Variants in UGT1A5 observed in about 807,000 individuals in gnomAD.
UGT1A5 encodes the protein UDP glucuronosyltransferase family 1 member A5, also known as UDP-glucuronosyltransferase 1A5.
Under a neutral mutation model 40.3 loss-of-function variants are expected in UGT1A5, and 29 were observed. The ratio of observed to expected loss-of-function variants is 0.72; its 90% CI spans 0.54 to 0.98. The LOEUF (loss-of-function observed/expected upper bound fraction) is 0.98, where lower values mean the gene tolerates loss of function less well. UGT1A5 is among the 50% of genes least tolerant of loss of function. UGT1A5 has a pLI of 0.00. For synonymous variants in UGT1A5, 257 were observed against 262.5 expected, an observed-to-expected ratio of 0.98 and a Z score of 0.20; for missense variants, 678 against 677.9, an observed-to-expected ratio of 1.00 and a Z score of 0.00.
At chr2:233,731,882 C>A (rs2078215677) in intron 1 of UGT1A5, among the ~76,000 whole-genome samples, 2 of 152,208 alleles carry the variant, frequency 1.3e-5, no homozygotes, top group Admixed American at 6.5e-5. Context: ...AATGGTTGAA[C>A]TAATTTACAC....
At chr2:233,715,820 G>C (rs1490526502) in intron 1 of UGT1A5, among the ~76,000 whole-genome samples, 1 of 152,098 alleles carries the variant, frequency 6.6e-6, no homozygotes, top group East Asian at 1.9e-4. Context: ...TTTAAAGTTA[G>C]AAAACATTTT....
intron 4 of UGT1A5, among the ~76,000 whole-genome samples, chr2:233,768,739 C>T (rs542073297): frequency 1.3e-5 from 2 of 151,854 alleles, no homozygotes; most frequent in African/African-American, 4.8e-5. Context: ...TCCACCACCA[C>T]GCCCGGTTAA....
At chr2:233,726,191 A>G (rs942571652) in intron 1 of UGT1A5, among the ~76,000 whole-genome samples, 1 of 152,194 alleles carries the variant, frequency 6.6e-6, no homozygotes, top group Non-Finnish European at 1.5e-5. Context: ...TCTTTGGCAT[A>G]TGGAAATCTT....
intron 1 of UGT1A5, chr2:233,755,272 T>C (rs1695839667): frequency 2.6e-6 from 2 of 758,302 alleles, no homozygotes. Context: ...TCCACTATGC[T>C]GGACTGCCAA....
intron 1 of UGT1A5, among the ~76,000 whole-genome samples, chr2:233,749,893 C>A (rs141027223): frequency 6.6e-5 from 10 of 151,938 alleles, no homozygotes; most frequent in Non-Finnish European, 1.2e-4. Context: ...GAGGCTCCCC[C>A]CTCCAGCCAC....
chr2:233,721,250 A>G (rs1349740606), intron 1 of UGT1A5, among the ~76,000 whole-genome samples: 1 of 152,166 alleles, frequency 6.6e-6, no homozygotes, highest in East Asian at 1.9e-4. Context: ...TAAAAAATAT[A>G]TATGTTCTTT....
chr2:233,721,761 G>T (rs1319151225), intron 1 of UGT1A5: 5 of 472,432 alleles, frequency 1.1e-5, no homozygotes, highest in Admixed American at 8.9e-5. Flanking sequence ...CATCTAAATT[G>T]TTATATTTAG....
chr2:233,736,062 G>T (rs1463600658), intron 1 of UGT1A5, among the ~76,000 whole-genome samples: 1 of 152,174 alleles, frequency 6.6e-6, no homozygotes, highest in East Asian at 1.9e-4. Flanking sequence ...GGCCTGCCTT[G>T]CTAGGTTTGG....
In UGT1A5 at chr2:233,731,114, G is replaced by T. The variant is rs184066438; in HGVS notation, c.867+17256G>T. ...TTCTGTGCCTTTTTTATAAATGTAG[G>T]TATTATTGCAAAAGACTCTAAGCTT... On this transcript the variant is annotated intron_variant, in intron 1 of 4. Transcript: ENST00000373414. Among the ~76,000 whole-genome samples, 112 of 151,994 alleles carry T rather than the reference G, an allele frequency of 7.4e-4. 1 individual carries two copies. Among genetic ancestry groups the T allele is most frequent in the African/African-American group, 2.6e-3 (107 of 41,462 alleles).
At chr2:233,760,300 T>G (rs1271688129) in intron 1 of UGT1A5, 1 of 1,613,254 alleles carries the variant, frequency 6.2e-7, no homozygotes, top group East Asian at 2.2e-5. Flanking sequence ...GGCTGTGGAG[T>G]CCCAGGGCGG....
intron 1 of UGT1A5, among the ~76,000 whole-genome samples, chr2:233,762,725 T>C (rs1290938105): frequency 6.6e-6 from 1 of 152,154 alleles, no homozygotes; most frequent in African/African-American, 2.4e-5. Context: ...CGGTTTTTTT[T>C]TTTTGGTCAC....
chr2:233,746,329 G>C (rs1693363946), intron 1 of UGT1A5, among the ~76,000 whole-genome samples: 1 of 151,754 alleles, frequency 6.6e-6, no homozygotes, highest in Admixed American at 6.5e-5. Context: ...GATCTACAGG[G>C]CAATGGACAT....
chr2:233,737,540 C>T (rs191771735), intron 1 of UGT1A5, among the ~76,000 whole-genome samples: 164 of 152,332 alleles, frequency 1.1e-3, no homozygotes, highest in East Asian at 4.4e-3. Flanking sequence ...TGCCCTGCTT[C>T]GGCTTGCCCT....
intron 1 of UGT1A5, chr2:233,747,857 C>A (rs1438723140): frequency 6.2e-7 from 1 of 1,613,396 alleles, no homozygotes; most frequent in Non-Finnish European, 8.5e-7. Context: ...AGAACATGCT[C>A]TACCCTCTGG....
At chr2:233,767,198 A>G in intron 2 of UGT1A5, 33 bp downstream of exon 2, 1 of 1,613,498 alleles carries the variant, frequency 6.2e-7, no homozygotes, top group Non-Finnish European at 8.5e-7. Flanking sequence ...CCTCATATCT[A>G]TTTTCACAGG....
intron 1 of UGT1A5, chr2:233,718,701 G>T: frequency 6.3e-7 from 1 of 1,599,658 alleles, no homozygotes; most frequent in Non-Finnish European, 8.5e-7. Context: ...AGGGCACTTT[G>T]TCTTCCAATT....
intron 1 of UGT1A5, among the ~76,000 whole-genome samples, chr2:233,765,026 C>T (rs2741015): frequency 2.6e-5 from 4 of 151,980 alleles, no homozygotes; most frequent in Admixed American, 2.0e-4. Context: ...TGGCAGGAGT[C>T]CTGCTGTGCA....
In UGT1A5 at chr2:233,719,159, T is replaced by C. The variant is rs28898610; in HGVS notation, c.867+5301T>C. 5.1e-4 allele frequency: 822 copies of C among 1,614,244 alleles called. 5 individuals are homozygous for C. The African/African-American group carries it at 9.5e-3, about 19-fold the overall frequency. ...ATCTTCTGAAGAGATATTCTAGAAG[T>C]ATGGCAATTATGAACAATGTATCTT... On this transcript the variant is annotated intron_variant, in intron 1 of 4. Transcript: ENST00000373414.
intron 1 of UGT1A5, among the ~76,000 whole-genome samples, chr2:233,765,843 C>G (rs546022798): frequency 2.0e-4 from 31 of 152,086 alleles, no homozygotes; most frequent in African/African-American, 7.2e-4. Context: ...TTTCCTTGTC[C>G]CCCTCACAGA....
Sources: allele counts gnomAD v4.1 joint callset (sites outside exome capture counted in the v4.1 genomes callset), GRCh38; gene constraint gnomAD v4.1.1; transcripts MANE v1.5; gene names NCBI Gene and HGNC (gene_info 2026-07-23, HGNC 2026-07-21).